Variants in GULP1 observed in about 807,000 individuals in gnomAD.
GULP1 encodes the protein GULP PTB domain containing engulfment adaptor 1.
GULP1 carries 19 observed loss-of-function variants against 40.9 expected under a neutral mutation model. That is an observed-to-expected ratio of 0.46 (90% CI 0.32 to 0.68). GULP1 has a LOEUF of 0.68. GULP1 is among the 30% of genes least tolerant of loss of function. GULP1 has a pLI of 0.03. For missense variants in GULP1, 312 were observed against 362.2 expected, an observed-to-expected ratio of 0.86 and a Z score of 1.12; for synonymous variants, 119 against 117.6, an observed-to-expected ratio of 1.01 and a Z score of -0.08.
chr2:188,371,990 G>A (rs986330439), intron 1 of GULP1, among the ~76,000 whole-genome samples: 1 of 95,746 alleles, frequency 1.0e-5, no homozygotes, highest in Non-Finnish European at 2.0e-5. Flanking sequence ...CATTTAAGAG[G>A]TAGCTACATC....
intron 7 of GULP1, among the ~76,000 whole-genome samples, chr2:188,566,363 G>A (rs1202372253): frequency 2.0e-5 from 3 of 152,048 alleles, no homozygotes; most frequent in Non-Finnish European, 2.9e-5. Flanking sequence ...AGACAGCTAA[G>A]TGCCTAGTAA....
intron 2 of GULP1, among the ~76,000 whole-genome samples, chr2:188,398,603 A>T (rs1215536256): frequency 1.3e-5 from 2 of 152,324 alleles, no homozygotes; most frequent in Admixed American, 6.5e-5. Flanking sequence ...TAAAATGATG[A>T]AACCTAGAAA....
chr2:188,379,580 C>T (rs2048746640), intron 1 of GULP1, among the ~76,000 whole-genome samples: 2 of 152,090 alleles, frequency 1.3e-5, no homozygotes, highest in South Asian at 4.1e-4. Flanking sequence ...TTCAGAGCCG[C>T]CTTGGCAATA....
rs557221050 is a variant in GULP1 at position 188,529,970 on chromosome 2, C to G, written c.261+775C>G. Reference sequence around the variant, plus strand: ...AAACCAGATGTTCAGAAAGGTTTGCCCAGCAGCGTGAACATGGAGCTTTTT... The same window carrying G: ...AAACCAGATGTTCAGAAAGGTTTGCGCAGCAGCGTGAACATGGAGCTTTTT... On this transcript the variant is annotated intron_variant, in intron 6 of 11. Transcript: ENST00000409830. 2.1e-4 allele frequency among the ~76,000 whole-genome samples: 32 copies of G among 152,178 alleles called. No individual in the cohort carries two copies. In the South Asian group the frequency reaches 6.4e-3, roughly 31 times the overall value.
intron 1 of GULP1, among the ~76,000 whole-genome samples, chr2:188,333,794 A>T (rs2041928417): frequency 6.6e-6 from 1 of 152,138 alleles, no homozygotes. Flanking sequence ...CAGCAGTTTG[A>T]AACCATATGA....
intron 2 of GULP1, among the ~76,000 whole-genome samples, chr2:188,475,403 G>T (rs1002580680): frequency 6.6e-5 from 10 of 151,196 alleles, no homozygotes; most frequent in African/African-American, 1.9e-4. Flanking sequence ...GTTTTTTTTT[G>T]TTGTTATTCT....
At chr2:188,350,659 T>G (rs902284657) in intron 1 of GULP1, among the ~76,000 whole-genome samples, 4 of 151,874 alleles carry the variant, frequency 2.6e-5, no homozygotes, top group Admixed American at 1.3e-4. Flanking sequence ...GTGGATGGCT[T>G]TTTTTTTCTT....
At chr2:188,412,006 G>A (rs1559210893) in intron 2 of GULP1, among the ~76,000 whole-genome samples, 1 of 152,190 alleles carries the variant, frequency 6.6e-6, no homozygotes, top group Non-Finnish European at 1.5e-5. Flanking sequence ...GGCCATCAGT[G>A]CAGGCTCAGG....
At chr2:188,349,418 T>C (rs894645590) in intron 1 of GULP1, among the ~76,000 whole-genome samples, 2 of 152,222 alleles carry the variant, frequency 1.3e-5, no homozygotes, top group East Asian at 1.9e-4. Context: ...GTTAATGTGT[T>C]GTAATTTTAG....
At chr2:188,299,910 A>G (rs2106027694) in intron 1 of GULP1, among the ~76,000 whole-genome samples, 1 of 152,214 alleles carries the variant, frequency 6.6e-6, no homozygotes, top group East Asian at 1.9e-4. Flanking sequence ...GAAGCCATGA[A>G]TGTGGTTTAG....
chr2:188,412,776 G>A (rs2054078410), intron 2 of GULP1, among the ~76,000 whole-genome samples: 1 of 152,122 alleles, frequency 6.6e-6, no homozygotes, highest in South Asian at 2.1e-4. Context: ...TTAGTAACAA[G>A]TAGGTATGAT....
intron 1 of GULP1, among the ~76,000 whole-genome samples, chr2:188,310,598 T>G (rs1574304829): frequency 6.6e-6 from 1 of 152,270 alleles, no homozygotes; most frequent in East Asian, 1.9e-4. Flanking sequence ...TGAGGTGTTT[T>G]GGGGACATTC....
At chr2:188,393,626 CTAGA>C (rs1209464516) in intron 2 of GULP1, among the ~76,000 whole-genome samples, 1 of 152,004 alleles carries the variant, frequency 6.6e-6, no homozygotes, top group Non-Finnish European at 1.5e-5. Flanking sequence ...TGATCATTAC[CTAGA>C]TACTTTGTTT....
intron 11 of GULP1, chr2:188,591,860 T>C (rs1231506910): frequency 2.0e-5 from 3 of 151,858 alleles, no homozygotes; most frequent in Non-Finnish European, 4.4e-5. Context: ...AAAAAGCATA[T>C]GGTGAATAAT....
intron 4 of GULP1, among the ~76,000 whole-genome samples, chr2:188,516,231 C>T (rs1457752684): frequency 6.6e-6 from 1 of 152,156 alleles, no homozygotes; most frequent in East Asian, 1.9e-4. Context: ...AGCCTCTGCA[C>T]ATCTCAGTAT....
intron 1 of GULP1, among the ~76,000 whole-genome samples, chr2:188,361,068 A>T (rs1265595609): frequency 2.0e-5 from 3 of 152,162 alleles, no homozygotes; most frequent in Non-Finnish European, 2.9e-5. Flanking sequence ...CGCAGATGAC[A>T]AAGATAGCTT....
At chr2:188,474,274 A>G (rs1404684919) in intron 2 of GULP1, among the ~76,000 whole-genome samples, 20 of 152,076 alleles carry the variant, frequency 1.3e-4, no homozygotes, top group Admixed American at 1.3e-3. Context: ...CCAGCATTCT[A>G]CTAGCTCTGG....
chr2:188,388,552 AAAAAAAC>A (rs1354616335), intron 2 of GULP1, among the ~76,000 whole-genome samples: 3 of 151,978 alleles, frequency 2.0e-5, no homozygotes, highest in East Asian at 1.9e-4. Flanking sequence ...CAAAAAATCA[AAAAAAAC>A]AAAAAACAAA....
chr2:188,386,869 T>G (rs1266450220), intron 2 of GULP1, among the ~76,000 whole-genome samples: 1 of 152,234 alleles, frequency 6.6e-6, no homozygotes, highest in Non-Finnish European at 1.5e-5. Context: ...AAATTTTGGT[T>G]GCAGGCAGTA....
Sources: gnomAD v4.1 joint callset for allele counts (sites outside exome capture counted in the v4.1 genomes callset) on GRCh38, gnomAD v4.1.1 for gene constraint, MANE v1.5 for transcripts, NCBI Gene and HGNC (gene_info 2026-07-23, HGNC 2026-07-21) for gene names.